Variants in GRIN2A observed in about 807,000 individuals in gnomAD.
GRIN2A encodes the protein glutamate ionotropic receptor NMDA type subunit 2A.
Under a neutral mutation model 113.4 loss-of-function variants are expected in GRIN2A, and 22 were observed. The ratio of observed to expected loss-of-function variants is 0.19; its 90% CI spans 0.14 to 0.28. The LOEUF is 0.28. Ranked by LOEUF, GRIN2A falls within the 10% of genes least tolerant of loss-of-function variation. The pLI is 1.00. For missense variants in GRIN2A, 1,502 were observed against 1,887.0 expected (o/e 0.80, Z 3.78); for synonymous variants, 827 against 738.4 (o/e 1.12, Z -1.94).
chr16:9,958,914 A>C (rs1009587662), intron 2 of GRIN2A, among the ~76,000 whole-genome samples: 2 of 152,218 alleles, frequency 1.3e-5, no homozygotes, highest in Non-Finnish European at 2.9e-5. Context: ...AATATTTGTT[A>C]GATAAATGAA....
chr16:10,049,357 A>C (rs2047314762), intron 2 of GRIN2A, among the ~76,000 whole-genome samples: 1 of 151,854 alleles, frequency 6.6e-6, no homozygotes, highest in African/African-American at 2.4e-5. Flanking sequence ...TCACAGCATT[A>C]CCACCTTATT....
intron 5 of GRIN2A, among the ~76,000 whole-genome samples, chr16:9,842,263 G>C (rs28618165): frequency 2.7e-4 from 39 of 144,660 alleles, no homozygotes; most frequent in Non-Finnish European, 5.2e-4. Flanking sequence ...AAAAAAAAAA[G>C]AAAAAAGAAA....
At chr16:9,944,171 G>A (rs1000491155) in intron 2 of GRIN2A, among the ~76,000 whole-genome samples, 1 of 152,152 alleles carries the variant, frequency 6.6e-6, no homozygotes, top group East Asian at 1.9e-4. Context: ...GAGACTCCTG[G>A]GGAATTTGCA....
At chr16:9,791,170 T>C (rs1833161) in intron 11 of GRIN2A, among the ~76,000 whole-genome samples, 56,922 of 151,960 alleles carry the variant, frequency 0.37, 11,536 homozygotes, top group African/African-American at 0.54. Flanking sequence ...ATGCCACAAG[T>C]GTAGAGATAA....
intron 5 of GRIN2A, 55 bp downstream of exon 5, chr16:9,849,701 C>T (rs1298891797): frequency 8.1e-7 from 1 of 1,236,180 alleles, no homozygotes; most frequent in East Asian, 2.3e-5. Flanking sequence ...TATCGATGAT[C>T]CATGCTATTT....
At chr16:10,108,249 C>G (rs2048535150) in intron 2 of GRIN2A, among the ~76,000 whole-genome samples, 1 of 152,340 alleles carries the variant, frequency 6.6e-6, no homozygotes, top group African/African-American at 2.4e-5. Flanking sequence ...TGGATGGCAG[C>G]AGGCAAAGAC....
chr16:9,990,277 G>C (rs1011330309), intron 2 of GRIN2A, among the ~76,000 whole-genome samples: 1 of 152,058 alleles, frequency 6.6e-6, no homozygotes, highest in Non-Finnish European at 1.5e-5. Context: ...GGGTTAACAA[G>C]GGAACAGAAA....
chr16:10,108,324 A>T (rs2048537391), intron 2 of GRIN2A, among the ~76,000 whole-genome samples: 1 of 152,166 alleles, frequency 6.6e-6, no homozygotes, highest in Admixed American at 6.5e-5. Flanking sequence ...CTTATTCACT[A>T]TTGTGAGAAC....
At position 9,760,172 on chromosome 16, in the gene GRIN2A, T is replaced by TA; in HGVS notation, c.*2976dup. The TA allele has an allele frequency of 4.4e-6, 1 of 226,452 alleles. No homozygotes were observed. 14.0% of individuals were successfully genotyped at this position (226,452 alleles called of 1,614,324 possible). A position where few individuals can be genotyped will look rare whatever the true frequency, so the allele number is the denominator to read the frequency against. On this transcript the variant is annotated 3_prime_UTR_variant, in exon 13 of 13. Coordinates refer to ENST00000330684, the MANE Select transcript of GRIN2A (RefSeq NM_001134407.3). The stretch of plus-strand genomic sequence containing the variant: ...CTAAGAACTCAGAGCTGGGATATGT[T>TA]ACGGGAATCTTCTGTGATAGATCTA...
At chr16:10,114,015 TAAAA>T (rs367811898) in intron 2 of GRIN2A, among the ~76,000 whole-genome samples, 1 of 145,530 alleles carries the variant, frequency 6.9e-6, no homozygotes, top group African/African-American at 2.5e-5. Context: ...CCCTCGTTCT[TAAAA>T]AAAAAAGAAA....
intron 4 of GRIN2A, among the ~76,000 whole-genome samples, chr16:9,854,080 A>C (rs11860157): frequency 3.4e-3 from 514 of 152,272 alleles, no homozygotes; most frequent in African/African-American, 0.011. Context: ...CTTCTAACTC[A>C]GGGCATGCCA....
intron 2 of GRIN2A, among the ~76,000 whole-genome samples, chr16:10,022,045 C>T (rs1410625967): frequency 6.6e-6 from 1 of 152,112 alleles, no homozygotes; most frequent in African/African-American, 2.4e-5. Flanking sequence ...CTCCATGTCC[C>T]ACCTTGACAC....
intron 3 of GRIN2A, among the ~76,000 whole-genome samples, chr16:9,902,961 G>GTTT (rs2043958535): frequency 2.4e-5 from 1 of 41,130 alleles, no homozygotes; most frequent in Non-Finnish European, 4.6e-5. Context: ...TTTTTTTTTG[G>GTTT]CGGGGGGGTG....
At chr16:9,889,165 G>A (rs527390336) in intron 4 of GRIN2A, among the ~76,000 whole-genome samples, 11 of 152,182 alleles carry the variant, frequency 7.2e-5, no homozygotes, top group East Asian at 5.8e-4. Flanking sequence ...TATTCAGATC[G>A]TCAATACCTA....
Position 9,764,018 on chromosome 16 carries a change from C to G in GRIN2A, c.3526G>C (p.Glu1176Gln), listed in dbSNP as rs1555482388. The change falls in exon 13 of 13, where the codon GAG becomes CAG. Residue 1176 changes from glutamate to glutamine, a missense_variant. By Grantham distance (29) the Glu-to-Gln change is conservative. Transcript: ENST00000330684. ...TACTGGTCGTTGTTGGAAAGCCCCT[C>G]TTCATTATGCAAGGGGTTCCGGTTC... ...PMNRNPLHNEEGLSNNDQYKL... is the reference protein window; with the variant it reads ...PMNRNPLHNEQGLSNNDQYKL... The G allele has an allele frequency of 6.2e-7, 1 of 1,614,116 alleles. No individual in the cohort carries two copies. Among genetic ancestry groups the G allele is most frequent in the South Asian group, 1.1e-5 (1 of 91,080 alleles).
chr16:9,967,522 G>A (rs758273075), intron 2 of GRIN2A, among the ~76,000 whole-genome samples: 7 of 152,084 alleles, frequency 4.6e-5, no homozygotes, highest in Non-Finnish European at 1.0e-4. Context: ...CCTGGCTAAC[G>A]TGGCGAAACC....
intron 2 of GRIN2A, chr16:10,171,328 C>T (rs1460498511): frequency 1.3e-5 from 2 of 152,204 alleles, no homozygotes; most frequent in Non-Finnish European, 2.9e-5. Flanking sequence ...CCCAGGCTAT[C>T]ACTGAGTTAT....
At position 10,158,054 on chromosome 16, in the gene GRIN2A, G is replaced by T. The variant is rs151053986; in HGVS notation, c.414+21944C>A. On this transcript the variant is annotated intron_variant, in intron 2 of 12. Transcript: ENST00000330684. Reference sequence around the variant, plus strand: ...GGATCTCACTCTGTCACCAAGGCTGGAGTACAGTGGCCCAATCACAGCCCA... The same window carrying T: ...GGATCTCACTCTGTCACCAAGGCTGTAGTACAGTGGCCCAATCACAGCCCA... Among the ~76,000 whole-genome samples, 763 of 151,948 alleles carry T rather than the reference G, an allele frequency of 5.0e-3. 10 individuals carry two copies. Among genetic ancestry groups the T allele is most frequent in the African/African-American group, 0.017 (714 of 41,428 alleles).
chr16:10,081,521 A>G (rs918484742), intron 2 of GRIN2A, among the ~76,000 whole-genome samples: 8 of 152,216 alleles, frequency 5.3e-5, no homozygotes, highest in Non-Finnish European at 1.2e-4. Flanking sequence ...TTTTCTGATT[A>G]AAAGTATGAT....
Sources: gnomAD v4.1 joint callset for allele counts (sites outside exome capture counted in the v4.1 genomes callset) on GRCh38, gnomAD v4.1.1 for gene constraint, MANE v1.5 for transcripts, NCBI Gene and HGNC (gene_info 2026-07-23, HGNC 2026-07-21) for gene names.